Variants in TJP1 observed in about 807,000 individuals in gnomAD.
The protein encoded by TJP1 is tight junction protein 1.
TJP1 carries 43 observed loss-of-function variants against 194.2 expected under a neutral mutation model. The ratio of observed to expected loss-of-function variants is 0.22; its 90% CI spans 0.17 to 0.29. The LOEUF (loss-of-function observed/expected upper bound fraction) is 0.29. TJP1 is among the 10% of genes least tolerant of loss of function. The probability of loss-of-function intolerance (pLI) is 1.00; values close to 1 mark genes in which losing one functional copy is unlikely to be tolerated. For missense variants in TJP1, 1,971 were observed against 2,185.7 expected, an observed-to-expected ratio of 0.90 and a Z score of 1.96; for synonymous variants, 801 against 779.0, an observed-to-expected ratio of 1.03 and a Z score of -0.47.
Position 29,710,122 on chromosome 15 carries a change from G to A in TJP1, c.4372+709C>T, listed in dbSNP as rs545818060. On this transcript the variant is annotated intron_variant, in intron 24 of 27. Transcript: ENST00000614355. Reference sequence around the variant, plus strand: ...GACTGCGCCACTGCACTGTAGCCTGGGCGAGAGCAAGGCTTCGTCTCAAAA... The same window carrying A: ...GACTGCGCCACTGCACTGTAGCCTGAGCGAGAGCAAGGCTTCGTCTCAAAA... Among the ~76,000 whole-genome samples, 33 of 152,138 alleles carry A rather than the reference G, an allele frequency of 2.2e-4. No individual in the cohort carries two copies. In the South Asian group the frequency reaches 6.0e-3, roughly 28 times the overall value.
intron 2 of TJP1, among the ~76,000 whole-genome samples, chr15:29,903,170 G>C (rs2152202933): frequency 6.6e-6 from 1 of 152,176 alleles, no homozygotes; most frequent in South Asian, 2.1e-4. Context: ...GCTTGGAGAA[G>C]GGTGAGCCAG....
At chr15:29,959,825 T>C (rs2056089902) in intron 1 of TJP1, among the ~76,000 whole-genome samples, 1 of 152,222 alleles carries the variant, frequency 6.6e-6, no homozygotes, top group African/African-American at 2.4e-5. Context: ...TTCCTTTCAA[T>C]TGGCCTCCCA....
intron 2 of TJP1, among the ~76,000 whole-genome samples, chr15:29,947,872 T>C (rs779040244): frequency 6.6e-6 from 1 of 152,180 alleles, no homozygotes; most frequent in Non-Finnish European, 1.5e-5. Context: ...TGCGGAAGGC[T>C]GGTCTCTGGG....
chr15:29,719,683 A>C, intron 20 of TJP1, 94 bp downstream of exon 20: 1 of 1,504,594 alleles, frequency 6.6e-7, no homozygotes, highest in Non-Finnish European at 8.9e-7. Flanking sequence ...CTGCAGTAAA[A>C]AAGCAAAAGG....
At chr15:29,894,744 C>T (rs1596202712) in intron 2 of TJP1, among the ~76,000 whole-genome samples, 1 of 152,210 alleles carries the variant, frequency 6.6e-6, no homozygotes, top group African/African-American at 2.4e-5. Context: ...TTGACCAAGG[C>T]TTCTAGCTGC....
At chr15:29,921,193 C>A (rs2054345844) in intron 2 of TJP1, among the ~76,000 whole-genome samples, 1 of 152,188 alleles carries the variant, frequency 6.6e-6, no homozygotes, top group Admixed American at 6.5e-5. Flanking sequence ...AACCCAGCCT[C>A]AAGCTTCCTG....
intron 15 of TJP1, 100 bp downstream of exon 15, chr15:29,732,333 T>G (rs1201333199): frequency 3.7e-6 from 4 of 1,067,170 alleles, no homozygotes; most frequent in Admixed American, 4.5e-5. Context: ...AATTTTTCAC[T>G]GACAAAAAGT....
chr15:29,712,047 A>G (rs2042275852), intron 23 of TJP1, among the ~76,000 whole-genome samples: 1 of 152,190 alleles, frequency 6.6e-6, no homozygotes, highest in African/African-American at 2.4e-5. Context: ...GCCAATTGTT[A>G]ATATGTAACA....
intron 2 of TJP1, among the ~76,000 whole-genome samples, chr15:29,865,645 G>T (rs560847839): frequency 4.8e-4 from 73 of 152,272 alleles, no homozygotes; most frequent in African/African-American, 1.6e-3. Flanking sequence ...GCATCCAGAG[G>T]AATACTACTC....
At chr15:29,844,722 G>A (rs1450621825) in intron 2 of TJP1, among the ~76,000 whole-genome samples, 1 of 152,206 alleles carries the variant, frequency 6.6e-6, no homozygotes, top group Non-Finnish European at 1.5e-5. Context: ...TTATATGTGA[G>A]TCATGTATTA....
intron 2 of TJP1, among the ~76,000 whole-genome samples, chr15:29,778,739 C>T (rs541710146): frequency 3.7e-4 from 56 of 152,288 alleles, no homozygotes; most frequent in African/African-American, 1.3e-3. Context: ...CTCCTCTCTC[C>T]CTAGGATTTC....
At chr15:29,753,168 T>C (rs1160605689) in intron 8 of TJP1, among the ~76,000 whole-genome samples, 3 of 152,212 alleles carry the variant, frequency 2.0e-5, no homozygotes, top group Non-Finnish European at 4.4e-5. Context: ...ATCCAAATGA[T>C]AGCAGGGATC....
intron 2 of TJP1, among the ~76,000 whole-genome samples, chr15:29,952,253 G>A (rs2055776365): frequency 2.0e-5 from 3 of 152,220 alleles, no homozygotes. Flanking sequence ...GAACAGAATT[G>A]TTGAGTCCAG....
chr15:29,945,177 G>A (rs1326947940), intron 2 of TJP1, among the ~76,000 whole-genome samples: 1 of 152,170 alleles, frequency 6.6e-6, no homozygotes, highest in Non-Finnish European at 1.5e-5. Flanking sequence ...ACAAGGGCCA[G>A]GTCAAAATGT....
intron 18 of TJP1, among the ~76,000 whole-genome samples, chr15:29,724,357 CAGA>C (rs1238344573): frequency 6.6e-6 from 1 of 152,194 alleles, no homozygotes; most frequent in Non-Finnish European, 1.5e-5. Context: ...ACAGCTGTTG[CAGA>C]AGAAAAGTCT....
intron 2 of TJP1, among the ~76,000 whole-genome samples, chr15:29,857,250 A>C (rs2051892014): frequency 6.6e-6 from 1 of 152,100 alleles, no homozygotes; most frequent in Non-Finnish European, 1.5e-5. Flanking sequence ...GCATATAAAT[A>C]TGACAAGCTT....
In TJP1 at chr15:29,709,818, T is replaced by G. The variant is rs2042126105; in HGVS notation, c.4373-782A>C. Among the ~76,000 whole-genome samples the G allele has an allele frequency of 1.3e-5, 2 of 151,654 alleles. 1 individual carries two copies. Among genetic ancestry groups the G allele is most frequent in the South Asian group, 4.2e-4 (2 of 4,786 alleles). ...CAATTTCACCACTTACATTTCAGAG[T>G]TTATTGGAGGTCCTGGCCAGTGCAA... On this transcript the variant is annotated intron_variant, in intron 24 of 27. Transcript: ENST00000614355.
chr15:29,889,981 T>C (rs2053247459), intron 2 of TJP1, among the ~76,000 whole-genome samples: 1 of 152,222 alleles, frequency 6.6e-6, no homozygotes, highest in African/African-American at 2.4e-5. Context: ...CTTCCATTAT[T>C]TGTGTCCTTT....
chr15:29,712,641 C>T (rs1435291019), intron 23 of TJP1, among the ~76,000 whole-genome samples: 1 of 152,124 alleles, frequency 6.6e-6, no homozygotes. Context: ...CTGGCCCATC[C>T]TTCATGTACT....
Sources: gnomAD v4.1 joint callset for allele counts (sites outside exome capture counted in the v4.1 genomes callset) on GRCh38, gnomAD v4.1.1 for gene constraint, MANE v1.5 for transcripts, NCBI Gene and HGNC (gene_info 2026-07-23, HGNC 2026-07-21) for gene names.